The following BMAL2 variants were observed in gnomAD, a reference collection of about 807,000 sequenced individuals.
The protein encoded by BMAL2 is basic helix-loop-helix ARNT like 2.
At chr12:27,413,053 G>A in the BMAL2 span, among the ~76,000 whole-genome samples, 48 of 150,978 alleles carry the variant, frequency 3.2e-4, 1 homozygote, top group Admixed American at 2.8e-3. Context: ...CTGTCCTTCA[G>A]AAATGTAAGG....
chr12:27,368,260 A>G, the BMAL2 span: 2 of 1,614,120 alleles, frequency 1.2e-6, no homozygotes, highest in Non-Finnish European at 1.7e-6. Flanking sequence ...TGCTGCCCAT[A>G]GGTAAAGTGT....
At chr12:27,362,759 A>G in the BMAL2 span, among the ~76,000 whole-genome samples, 3 of 152,006 alleles carry the variant, frequency 2.0e-5, no homozygotes, top group African/African-American at 4.8e-5. Flanking sequence ...AAAACATGCA[A>G]TGTGTTTTTG....
the BMAL2 span, chr12:27,418,081 T>G: frequency 6.3e-7 from 1 of 1,594,276 alleles, no homozygotes; most frequent in Non-Finnish European, 8.6e-7. Context: ...TCTGGCTGTC[T>G]TTTCAGATGT....
the BMAL2 span, among the ~76,000 whole-genome samples, chr12:27,356,882 G>A: frequency 2.6e-5 from 4 of 152,064 alleles, no homozygotes; most frequent in Non-Finnish European, 5.9e-5. Flanking sequence ...TGTACCCAAT[G>A]TGTAGCCTTT....
the BMAL2 span, among the ~76,000 whole-genome samples, chr12:27,348,247 A>T: frequency 1.3e-5 from 2 of 152,174 alleles, no homozygotes; most frequent in Non-Finnish European, 2.9e-5. Flanking sequence ...GGCTATAGTG[A>T]ATAAATTACC....
At chr12:27,342,541 A>G in the BMAL2 span, among the ~76,000 whole-genome samples, 1 of 152,258 alleles carries the variant, frequency 6.6e-6, no homozygotes, top group East Asian at 1.9e-4. Context: ...GTTAAAAGGA[A>G]TAGAAGATTA....
the BMAL2 span, chr12:27,368,389 A>C: frequency 6.2e-7 from 1 of 1,614,160 alleles, no homozygotes; most frequent in East Asian, 2.2e-5. Context: ...GAAAACGCAA[A>C]GGAAGTGATT....
chr12:27,401,424 A>G, the BMAL2 span: 2 of 1,557,774 alleles, frequency 1.3e-6, no homozygotes, highest in Non-Finnish European at 1.8e-6. Context: ...TTAACTCTTA[A>G]TTTCCCATTC....
chr12:27,372,103 C>T, the BMAL2 span, among the ~76,000 whole-genome samples: 2 of 152,152 alleles, frequency 1.3e-5, no homozygotes, highest in Non-Finnish European at 2.9e-5. Context: ...TGGCGGCATG[C>T]GCCTGTAGTC....
the BMAL2 span, among the ~76,000 whole-genome samples, chr12:27,408,252 CATCAT>C: frequency 6.6e-5 from 10 of 152,298 alleles, no homozygotes; most frequent in East Asian, 1.2e-3. Context: ...ATGAGGCCAG[CATCAT>C]CCTGATACCA....
At chr12:27,368,718 G>A in the BMAL2 span, among the ~76,000 whole-genome samples, 1 of 152,180 alleles carries the variant, frequency 6.6e-6, no homozygotes, top group African/African-American at 2.4e-5. Flanking sequence ...TTATAAACAT[G>A]AGGAAAACAC....
At chr12:27,335,916 G>T in the BMAL2 span, among the ~76,000 whole-genome samples, 3 of 152,122 alleles carry the variant, frequency 2.0e-5, no homozygotes, top group South Asian at 6.2e-4. Context: ...ATCAGTAGGA[G>T]AATACAGTGA....
chr12:27,417,935 A>G, the BMAL2 span, among the ~76,000 whole-genome samples: 2 of 151,976 alleles, frequency 1.3e-5, no homozygotes, highest in African/African-American at 2.4e-5. Context: ...GGAGGTTGCA[A>G]TGAACCGAGA....
the BMAL2 span, among the ~76,000 whole-genome samples, chr12:27,356,465 T>A: frequency 1.3e-5 from 2 of 152,222 alleles, no homozygotes; most frequent in Middle Eastern, 6.8e-3. Context: ...TCACATCAGT[T>A]TTACGCTGTG....
chr12:27,374,213 T>TAC, the BMAL2 span, among the ~76,000 whole-genome samples: 1 of 152,062 alleles, frequency 6.6e-6, no homozygotes, highest in East Asian at 1.9e-4. Flanking sequence ...TATACATACA[T>TAC]ATATATAGTC....
chr12:27,386,662 C>G, the BMAL2 span, among the ~76,000 whole-genome samples: 1 of 152,230 alleles, frequency 6.6e-6, no homozygotes, highest in South Asian at 2.1e-4. Flanking sequence ...CAAGGTCTGG[C>G]TCTGTTGCCT....
the BMAL2 span, among the ~76,000 whole-genome samples, chr12:27,386,992 A>G: frequency 1.3e-5 from 2 of 152,220 alleles, no homozygotes; most frequent in African/African-American, 4.8e-5. Context: ...AATATTCTGC[A>G]GCCAAACTTT....
chr12:27,401,244 A>G, the BMAL2 span: 9 of 1,607,154 alleles, frequency 5.6e-6, no homozygotes, highest in Admixed American at 6.7e-5. Context: ...TTTATTTTCA[A>G]TTTTGAAACC....
At chr12:27,352,076 G>A in the BMAL2 span, among the ~76,000 whole-genome samples, 1 of 152,038 alleles carries the variant, frequency 6.6e-6, no homozygotes, top group Non-Finnish European at 1.5e-5. Context: ...TTGTTTTCAG[G>A]TTTACACTGC....
Sources: allele counts gnomAD v4.1 joint callset (sites outside exome capture counted in the v4.1 genomes callset), GRCh38; gene constraint gnomAD v4.1.1; transcripts MANE v1.5; gene names NCBI Gene and HGNC (gene_info 2026-07-23, HGNC 2026-07-21).